TAFA2: variants seen among roughly 807,000 people sequenced by gnomAD.
TAFA2 encodes TAFA chemokine like family member 2, also known as chemokine-like protein TAFA-2.
TAFA2 carries 7 observed loss-of-function variants against 18.8 expected under a neutral mutation model. The ratio of observed to expected loss-of-function variants is 0.37; its 90% CI spans 0.21 to 0.70. The LOEUF (loss-of-function observed/expected upper bound fraction) is 0.70, where lower values mean the gene tolerates loss of function less well. TAFA2 is among the 30% of genes least tolerant of loss of function. The probability of loss-of-function intolerance (pLI) is 0.53; values close to 1 mark genes in which losing one functional copy is unlikely to be tolerated. For synonymous variants in TAFA2, 60 were observed against 54.2 expected (o/e 1.11, Z -0.47); for missense variants, 122 against 158.1 (o/e 0.77, Z 1.23).
chr12:62,142,973 A>G (rs1393458384), intron 1 of TAFA2, among the ~76,000 whole-genome samples: 1 of 152,220 alleles, frequency 6.6e-6, no homozygotes, highest in Non-Finnish European at 1.5e-5. Flanking sequence ...CAGAGAGGTC[A>G]AGGAATGTAC....
chr12:62,162,049 T>C (rs182360235), intron 1 of TAFA2, among the ~76,000 whole-genome samples: 84 of 152,330 alleles, frequency 5.5e-4, no homozygotes, highest in African/African-American at 1.9e-3. Flanking sequence ...TCTTTCTCTG[T>C]CTCTTTGAAA....
intron 1 of TAFA2, among the ~76,000 whole-genome samples, chr12:62,038,697 G>C (rs1047183247): frequency 3.3e-5 from 5 of 151,752 alleles, no homozygotes; most frequent in Middle Eastern, 3.4e-3. Flanking sequence ...AAAAAGAAAG[G>C]GAAAAAACAA....
intron 1 of TAFA2, among the ~76,000 whole-genome samples, chr12:61,877,725 C>A (rs914782442): frequency 1.3e-5 from 2 of 152,028 alleles, no homozygotes; most frequent in African/African-American, 2.4e-5. Flanking sequence ...AAACAAGTAC[C>A]AGATATCACT....
intron 2 of TAFA2, among the ~76,000 whole-genome samples, chr12:61,790,012 T>C (rs1419215535): frequency 6.6e-6 from 1 of 151,840 alleles, no homozygotes; most frequent in East Asian, 1.9e-4. Context: ...ATAAAGATCA[T>C]TGACCATGAC....
intron 2 of TAFA2, among the ~76,000 whole-genome samples, chr12:61,833,423 T>C (rs1317683029): frequency 6.6e-6 from 1 of 152,004 alleles, no homozygotes; most frequent in Non-Finnish European, 1.5e-5. Context: ...ACTATCTTTA[T>C]GAATTTATCT....
At chr12:62,054,906 ATAAGAT>A (rs1882147102) in intron 1 of TAFA2, among the ~76,000 whole-genome samples, 1 of 152,228 alleles carries the variant, frequency 6.6e-6, no homozygotes, top group African/African-American at 2.4e-5. Context: ...TATCTTCTAA[ATAAGAT>A]TAAAGAACAG....
intron 1 of TAFA2, among the ~76,000 whole-genome samples, chr12:61,869,864 A>C (rs1031582): frequency 0.82 from 125,098 of 152,146 alleles, 51,706 homozygotes; most frequent in African/African-American, 0.92. Flanking sequence ...TCCCTGCAAC[A>C]TTATTGTACT....
intron 1 of TAFA2, among the ~76,000 whole-genome samples, chr12:62,151,138 C>A (rs1428572958): frequency 6.6e-6 from 1 of 152,242 alleles, no homozygotes; most frequent in Non-Finnish European, 1.5e-5. Flanking sequence ...ATTCACATCA[C>A]CACCATCACC....
intron 2 of TAFA2, among the ~76,000 whole-genome samples, chr12:61,856,350 A>G (rs1873884077): frequency 6.6e-6 from 1 of 152,034 alleles, no homozygotes; most frequent in Non-Finnish European, 1.5e-5. Context: ...AATGAATAAA[A>G]TATATGAAAA....
chr12:61,926,435 G>C (rs943930918), intron 1 of TAFA2, among the ~76,000 whole-genome samples: 25 of 152,052 alleles, frequency 1.6e-4, no homozygotes, highest in African/African-American at 5.8e-4. Context: ...ACATCAATGT[G>C]AAAAATCCTC....
chr12:61,943,653 C>G (rs1303861009), intron 1 of TAFA2, among the ~76,000 whole-genome samples: 1 of 152,084 alleles, frequency 6.6e-6, no homozygotes, highest in Non-Finnish European at 1.5e-5. Flanking sequence ...GGATTGCAAT[C>G]CGAGTCTCTG....
intron 1 of TAFA2, among the ~76,000 whole-genome samples, chr12:62,052,101 G>T (rs753106439): frequency 6.6e-6 from 1 of 152,080 alleles, no homozygotes; most frequent in Non-Finnish European, 1.5e-5. Context: ...AAATTGAGAT[G>T]ACTCAAACAT....
chr12:61,730,123 T>C (rs115839957), intron 4 of TAFA2, among the ~76,000 whole-genome samples: 1 of 152,078 alleles, frequency 6.6e-6, no homozygotes, highest in Admixed American at 6.6e-5. Context: ...CTGTGGTGGA[T>C]GTAGCAAGGG....
At chr12:61,842,640 C>A (rs1873233488) in intron 2 of TAFA2, among the ~76,000 whole-genome samples, 1 of 151,954 alleles carries the variant, frequency 6.6e-6, no homozygotes, top group African/African-American at 2.4e-5. Context: ...CAGAACAAAT[C>A]CAATGATACT....
At chr12:61,879,793 G>A in intron 1 of TAFA2, 1 of 1,474,826 alleles carries the variant, frequency 6.8e-7, no homozygotes, top group Non-Finnish European at 9.4e-7. Flanking sequence ...TGGGCCAGGA[G>A]AAGCTGAAGC....
intron 1 of TAFA2, among the ~76,000 whole-genome samples, chr12:62,236,272 C>CTTT (rs58214265): frequency 8.3e-6 from 1 of 120,638 alleles, no homozygotes; most frequent in African/African-American, 2.8e-5. Context: ...TTTTTTTTTT[C>CTTT]TTTTTTTTTT....
At chr12:62,223,266 C>T (rs952788657) in intron 1 of TAFA2, among the ~76,000 whole-genome samples, 1 of 152,108 alleles carries the variant, frequency 6.6e-6, no homozygotes, top group African/African-American at 2.4e-5. Context: ...GAAGCCTCTA[C>T]TTCTTGGGCT....
intron 2 of TAFA2, among the ~76,000 whole-genome samples, chr12:61,847,015 C>T (rs1298643690): frequency 6.6e-6 from 1 of 152,160 alleles, no homozygotes; most frequent in Non-Finnish European, 1.5e-5. Flanking sequence ...TGCCCTCCAA[C>T]CAACTACACT....
intron 1 of TAFA2, chr12:62,235,154 C>A: frequency 1.5e-6 from 1 of 661,414 alleles, no homozygotes. Flanking sequence ...TCATCTCTTG[C>A]TGAGGGGGAG....
Sources: allele counts gnomAD v4.1 joint callset (sites outside exome capture counted in the v4.1 genomes callset), GRCh38; gene constraint gnomAD v4.1.1; transcripts MANE v1.5; gene names NCBI Gene and HGNC (gene_info 2026-07-23, HGNC 2026-07-21).